MX1: variants seen among roughly 807,000 people sequenced by gnomAD.
MX1 encodes the protein interferon-induced GTP-binding protein Mx1.
Under a neutral mutation model 66.4 loss-of-function variants are expected in MX1, and 66 were observed. The observed-to-expected ratio is 0.99, with a 90% CI of 0.82 to 1.22. The LOEUF is 1.22. Among genes scored for constraint, MX1 ranks in the 50% most tolerant of loss-of-function variants. MX1 has a pLI of 0.00. For synonymous variants in MX1, 311 were observed against 318.1 expected (o/e 0.98, Z 0.24); for missense variants, 787 against 834.3 (o/e 0.94, Z 0.70).
At chr21:41,445,387 C>G in intron 11 of MX1, 61 bp from the exon 12 acceptor site, 6 of 1,598,296 alleles carry the variant, frequency 3.8e-6, no homozygotes, top group Non-Finnish European at 5.1e-6. Flanking sequence ...GGCCCGGGAC[C>G]TCCTTTTCAT....
At chr21:41,440,213 A>T (rs1157710857) in intron 8 of MX1, among the ~76,000 whole-genome samples, 1 of 152,210 alleles carries the variant, frequency 6.6e-6, no homozygotes, top group Non-Finnish European at 1.5e-5. Context: ...AAATAAGTAT[A>T]ATGGGCCACA....
rs2090507869 is a variant in MX1, at chr21:41,441,387, C to T, written c.731-329C>T. On this transcript the variant is annotated intron_variant, in intron 9 of 16. Transcript: ENST00000398598. This position sits in a 1 kb window ranked among gnomAD's most constrained non-coding sequence, Gnocchi z 4.0. Reference sequence around the variant, plus strand: ...TCGGAAGCAGGTCAAACTCAGGAGGCACATGGTACTCATTAAGAATGCATT... The same window carrying T: ...TCGGAAGCAGGTCAAACTCAGGAGGTACATGGTACTCATTAAGAATGCATT... 1 of 448,370 alleles carries T rather than the reference C, an allele frequency of 2.2e-6. No individual in the cohort carries two copies. The highest frequency in any genetic ancestry group is 4.1e-6 in the Non-Finnish European group (1 of 241,630). The allele number at this position is 448,370 out of a possible 1,614,324, so 27.8% of individuals were successfully genotyped here. A position where few individuals can be genotyped will look rare whatever the true frequency, so the allele number is the denominator to read the frequency against.
Position 41,445,551 on chromosome 21 carries a change from AAAT to A in MX1, c.1113_1115del (p.Met372del). On this transcript the variant is annotated inframe_deletion, in exon 12 of 17. Coordinates refer to ENST00000398598, the MANE Select transcript of MX1 (RefSeq NM_002462.5). ...GACATACCGGAAGACGAAAATGAAA[AAAT>A]GTTCTTCCTGATAGATGTGAGTGTT... 6.2e-7 allele frequency: 1 copy of A among 1,614,170 alleles called. No individual in the cohort carries two copies. The highest frequency in any genetic ancestry group is 8.5e-7 in the Non-Finnish European group (1 of 1,180,032).
intron 10 of MX1, among the ~76,000 whole-genome samples, chr21:41,442,247 G>A (rs544477066): frequency 4.6e-5 from 7 of 152,168 alleles, no homozygotes; most frequent in African/African-American, 1.4e-4. Flanking sequence ...GAAAAAAGTA[G>A]AAAGCCCAGA....
intron 15 of MX1, 81 bp downstream of exon 15, chr21:41,451,324 G>A: frequency 1.1e-6 from 1 of 923,092 alleles, no homozygotes; most frequent in South Asian, 1.4e-5. Context: ...TCTTGGATGA[G>A]GATTATTTCA....
intron 16 of MX1, among the ~76,000 whole-genome samples, chr21:41,454,595 T>C (rs540167723): frequency 2.0e-5 from 3 of 152,220 alleles, no homozygotes; most frequent in Non-Finnish European, 4.4e-5. Flanking sequence ...GCAGACTAAA[T>C]GGAAGCTATC....
chr21:41,436,561 C>T (rs2090368542), intron 6 of MX1, among the ~76,000 whole-genome samples: 1 of 152,166 alleles, frequency 6.6e-6, no homozygotes. Flanking sequence ...TCTTGCAATA[C>T]AGATCAGGTG....
intron 5 of MX1, among the ~76,000 whole-genome samples, chr21:41,435,014 T>C (rs747376138): frequency 3.3e-5 from 5 of 152,250 alleles, no homozygotes; most frequent in Non-Finnish European, 7.3e-5. Context: ...TTTGCCTTCA[T>C]TTTTAAAAGT....
chr21:41,448,689 C>T (rs1298961331), intron 13 of MX1, among the ~76,000 whole-genome samples: 1 of 151,984 alleles, frequency 6.6e-6, no homozygotes, highest in Admixed American at 6.6e-5. Context: ...ACCTGTAGTC[C>T]CAGCTACTTG....
In MX1 at chr21:41,452,718, A is replaced by G. The variant is rs2090864628; in HGVS notation, c.1607A>G (p.Gln536Arg). ...QMEQIVYCQD[Q>R]VYRGALQKVR... ...GAACAGATTGTCTACTGCCAGGACCAGGTATACAGGGGTGCATTGCAGAAG... is the reference window on the plus strand; with the variant it reads ...GAACAGATTGTCTACTGCCAGGACCGGGTATACAGGGGTGCATTGCAGAAG... The change falls in exon 16 of 17, where the codon CAG (glutamine) becomes CGG (arginine). Residue 536 changes from glutamine to arginine, a missense_variant. Coordinates refer to ENST00000398598, the MANE Select transcript of MX1 (RefSeq NM_002462.5). 13 of 1,614,194 alleles carry G rather than the reference A, an allele frequency of 8.1e-6. No individual in the cohort carries two copies. Among genetic ancestry groups the G allele is most frequent in the Non-Finnish European group, 1.1e-5 (13 of 1,180,026 alleles).
chr21:41,440,773 G>A (rs946534810), intron 8 of MX1, 114 bp from the exon 9 acceptor site: 1 of 1,241,562 alleles, frequency 8.1e-7, no homozygotes, highest in Non-Finnish European at 1.2e-6. Context: ...ACTTCTTTTG[G>A]GGGAAATACC....
chr21:41,458,812 C>T lies in MX1; in HGVS notation c.*54C>T, dbSNP rs1460883935. The T allele has an allele frequency of 6.4e-6, 10 of 1,566,936 alleles. No individual in the cohort carries two copies. Among genetic ancestry groups the T allele is most frequent in the South Asian group, 1.2e-5 (1 of 86,128 alleles). On this transcript the variant is annotated 3_prime_UTR_variant, in exon 17 of 17. Transcript: ENST00000398598. ...CACGCACACTGTCTGCCCCCGTTCC[C>T]GGGTAGCCACTGGACTGACGACTTG...
rs2090507923 is a variant in MX1 at position 41,441,388 on chromosome 21, A to C, written c.731-328A>C. ...CGGAAGCAGGTCAAACTCAGGAGGC[A>C]CATGGTACTCATTAAGAATGCATTT... On this transcript the variant is annotated intron_variant, in intron 9 of 16. Coordinates refer to ENST00000398598, the MANE Select transcript of MX1 (RefSeq NM_002462.5). The surrounding 1 kb of genome is among the most constrained non-coding windows in gnomAD (Gnocchi z 4.0). 1 of 456,424 alleles carries C rather than the reference A, an allele frequency of 2.2e-6. No homozygotes were observed. The allele number at this position is 456,424 out of a possible 1,614,324, so 28.3% of individuals were successfully genotyped here. A position where few individuals can be genotyped will look rare whatever the true frequency, so the allele number is the denominator to read the frequency against.
In MX1 at chr21:41,440,888, T is replaced by G. The variant is rs775109029; in HGVS notation, c.593T>G (p.Ile198Ser). 6.2e-7 allele frequency: 1 copy of G among 1,614,158 alleles called. No individual in the cohort carries two copies. Among genetic ancestry groups the G allele is most frequent in the Non-Finnish European group, 8.5e-7 (1 of 1,180,020 alleles). ...TCACCTCCTCTCATTTCCTTACAGA[T>G]CAAGACACTCATCAAGAAGTACATC... ...GNQPADIGYK[I>S]KTLIKKYIQR... Residue 198 changes from isoleucine (I) to serine (S), a missense_variant and splice_region_variant, in exon 9 of 17, where the codon ATC (isoleucine) becomes AGC (serine). By Grantham distance (142) the Ile-to-Ser change is moderately radical. Transcript: ENST00000398598.
At position 41,429,696 on chromosome 21, in the gene MX1, G is replaced by C. The variant is rs538837697; in HGVS notation, c.-97-837G>C. ...AAGAGGTGGGCAGATTACGAGGTCA[G>C]GAAATTGAGACCATCCTGGCTAACA... On this transcript the variant is annotated intron_variant, in intron 3 of 16. Coordinates refer to ENST00000398598, the MANE Select transcript of MX1 (RefSeq NM_002462.5). The C allele has an allele frequency of 3.3e-5, 5 of 152,244 alleles. No homozygotes were observed. The East Asian group carries it at 9.6e-4, about 29-fold the overall frequency. The allele number at this position is 152,244 out of a possible 1,614,324, so 9.4% of individuals were successfully genotyped here.
chr21:41,457,729 A>G (rs922772117), intron 16 of MX1, among the ~76,000 whole-genome samples: 3 of 152,118 alleles, frequency 2.0e-5, no homozygotes, highest in Admixed American at 6.5e-5. Flanking sequence ...CATCTTAACC[A>G]TTTGGGGGTA....
chr21:41,435,749 A>G, intron 5 of MX1, 88 bp from the exon 6 acceptor site: 1 of 1,401,910 alleles, frequency 7.1e-7, no homozygotes, highest in South Asian at 1.3e-5. Flanking sequence ...ACAATTCGAG[A>G]TGAGATTTGG....
At chr21:41,435,472 C>T (rs1837470050) in intron 5 of MX1, among the ~76,000 whole-genome samples, 1 of 152,174 alleles carries the variant, frequency 6.6e-6, no homozygotes, top group South Asian at 2.1e-4. Context: ...CTGCCTGAAA[C>T]TAGGTAATTT....
intron 13 of MX1, among the ~76,000 whole-genome samples, chr21:41,446,389 G>A (rs1426047015): frequency 6.6e-6 from 1 of 152,136 alleles, no homozygotes; most frequent in Non-Finnish European, 1.5e-5. Context: ...GGTACCACAG[G>A]CATACCTCAG....
Sources: allele counts gnomAD v4.1 joint callset (sites outside exome capture counted in the v4.1 genomes callset), GRCh38; gene constraint gnomAD v4.1.1; non-coding constraint Gnocchi (gnomAD v3.1); transcripts MANE v1.5; gene names NCBI Gene and HGNC (gene_info 2026-07-23, HGNC 2026-07-21).